RNF121: variants seen among roughly 807,000 people sequenced by gnomAD.
RNF121 encodes E3 ubiquitin ligase RNF121.
Under a neutral mutation model 46.5 loss-of-function variants are expected in RNF121, and 21 were observed. That is an observed-to-expected ratio of 0.45 (90% CI 0.32 to 0.65). The LOEUF (loss-of-function observed/expected upper bound fraction) is 0.65, where lower values mean the gene tolerates loss of function less well. Among genes scored for constraint, RNF121 ranks in the 30% least tolerant of loss-of-function variants. RNF121 has a pLI of 0.04. For synonymous variants in RNF121, 139 were observed against 144.7 expected (o/e 0.96, Z 0.28); for missense variants, 346 against 416.0 (o/e 0.83, Z 1.46).
chr11:71,972,821 C>G (rs1954447633), intron 3 of RNF121, among the ~76,000 whole-genome samples: 3 of 152,034 alleles, frequency 2.0e-5, no homozygotes, highest in African/African-American at 7.2e-5. Context: ...AGCAGTATGC[C>G]AGCCCACTGA....
intron 3 of RNF121, among the ~76,000 whole-genome samples, chr11:71,974,202 A>C (rs1954482069): frequency 6.6e-6 from 1 of 152,152 alleles, no homozygotes; most frequent in Non-Finnish European, 1.5e-5. Context: ...CGGCCTCCCA[A>C]AGTGCTGGGA....
intron 1 of RNF121, among the ~76,000 whole-genome samples, chr11:71,935,833 T>C (rs1953389210): frequency 6.6e-6 from 1 of 150,876 alleles, no homozygotes; most frequent in Non-Finnish European, 1.5e-5. Context: ...AATGAAGACA[T>C]AATATTCTTT....
At position 71,995,498 on chromosome 11, in the gene RNF121, A is replaced by G. The variant is rs34075366; in HGVS notation, c.810A>G (p.Gln270=). The G allele has an allele frequency of 0.033, 53,035 of 1,595,634 alleles. 943 individuals are homozygous for G. Among genetic ancestry groups the G allele is most frequent in the East Asian group, 0.067 (2,982 of 44,412 alleles). ...IRGWCIVGKK[Q]TCPYCKEKVD... ...GCTGGTGCATCGTGGGAAAGAAGCA[A>G]ACGTGTCCCTACTGCAAAGAGAAGG... is the stretch of plus-strand genomic sequence containing the variant. Residue 270 remains glutamine (Q), a synonymous_variant, in exon 8 of 9, where the codon CAA becomes CAG. Coordinates refer to ENST00000361756, the MANE Select transcript of RNF121 (RefSeq NM_018320.5).
intron 1 of RNF121, among the ~76,000 whole-genome samples, chr11:71,935,032 C>G (rs1401866384): frequency 6.6e-6 from 1 of 151,506 alleles, no homozygotes; most frequent in Non-Finnish European, 1.5e-5. Flanking sequence ...ACCTCAGCCT[C>G]CCAGGCTCAG....
intron 3 of RNF121, among the ~76,000 whole-genome samples, chr11:71,961,777 T>G (rs544101349): frequency 6.6e-6 from 1 of 152,182 alleles, no homozygotes; most frequent in South Asian, 2.1e-4. Context: ...AAATTCACTT[T>G]AGGTGGAAAG....
At chr11:71,967,445 G>T (rs1374113413) in intron 3 of RNF121, among the ~76,000 whole-genome samples, 1 of 150,042 alleles carries the variant, frequency 6.7e-6, no homozygotes. Context: ...TGCCTTCTGG[G>T]TTCAAGCGAT....
intron 6 of RNF121, 93 bp downstream of exon 6, chr11:71,990,810 G>A: frequency 1.4e-6 from 2 of 1,468,102 alleles, no homozygotes; most frequent in East Asian, 2.3e-5. Context: ...AAGGCACTAG[G>A]GTGAGATAAG....
rs1201952884 is a variant in RNF121 at position 71,994,760 on chromosome 11, C to T, written c.669C>T (p.Asp223=). 1.9e-6 allele frequency: 3 copies of T among 1,614,154 alleles called. No individual in the cohort carries two copies. In the Admixed American group the frequency reaches 5.0e-5, roughly 27 times the overall value. ...GCATGCCTACCAAACATCTTTCAGA[C>T]AGTGTGTGTGCTGTGTGTGGGCAGC... ...ESGMPTKHLS[D]SVCAVCGQQI... is the part of the protein sequence containing the mutation. The change falls in exon 7 of 9, where the codon GAC becomes GAT. Residue 223 remains aspartate (D), a synonymous_variant. Transcript: ENST00000361756.
chr11:71,968,282 A>T (rs750447584), intron 3 of RNF121, among the ~76,000 whole-genome samples: 22 of 152,050 alleles, frequency 1.4e-4, no homozygotes, highest in Non-Finnish European at 2.5e-4. Flanking sequence ...CTGATCTCGA[A>T]CTCTGGACTT....
chr11:71,952,637 T>C (rs1953908234), intron 1 of RNF121, among the ~76,000 whole-genome samples: 1 of 151,864 alleles, frequency 6.6e-6, no homozygotes, highest in East Asian at 1.9e-4. Context: ...GGTGAAACCC[T>C]ATCTTTACTA....
At chr11:71,959,242 G>A (rs1036307892) in intron 2 of RNF121, among the ~76,000 whole-genome samples, 4 of 152,134 alleles carry the variant, frequency 2.6e-5, no homozygotes, top group African/African-American at 9.7e-5. Flanking sequence ...CTGGCATTTG[G>A]CTTCCCACTC....
At chr11:71,952,460 A>G (rs973452983) in intron 1 of RNF121, among the ~76,000 whole-genome samples, 4 of 152,196 alleles carry the variant, frequency 2.6e-5, no homozygotes, top group Admixed American at 6.5e-5. Flanking sequence ...TAAAATTTTA[A>G]ATTGACAATT....
intron 1 of RNF121, among the ~76,000 whole-genome samples, chr11:71,943,632 G>A (rs1387141260): frequency 6.6e-6 from 1 of 152,230 alleles, no homozygotes; most frequent in African/African-American, 2.4e-5. Context: ...TCATGGTGTA[G>A]TGGAAAAGTT....
chr11:71,981,838 GCCCAGTCACTA>G (rs1295497939), intron 3 of RNF121, among the ~76,000 whole-genome samples: 1 of 152,100 alleles, frequency 6.6e-6, no homozygotes, highest in Non-Finnish European at 1.5e-5. Context: ...TGGGAATATG[GCCCAGTCACTA>G]CCCACAAGGA....
intron 3 of RNF121, among the ~76,000 whole-genome samples, chr11:71,966,098 C>A (rs1020330092): frequency 6.6e-6 from 1 of 152,202 alleles, no homozygotes; most frequent in Non-Finnish European, 1.5e-5. Flanking sequence ...CAGCTCACCA[C>A]AACCTCTGCC....
intron 1 of RNF121, among the ~76,000 whole-genome samples, chr11:71,943,664 C>T (rs139917427): frequency 5.3e-5 from 8 of 152,210 alleles, no homozygotes; most frequent in African/African-American, 1.7e-4. Flanking sequence ...GTAATAATTG[C>T]TATAATATGA....
At chr11:71,983,482 A>G (rs544480589) in intron 4 of RNF121, among the ~76,000 whole-genome samples, 1 of 152,334 alleles carries the variant, frequency 6.6e-6, no homozygotes, top group South Asian at 2.1e-4. Context: ...TTTCCAATAA[A>G]CAATACTTCC....
At chr11:71,982,643 C>T (rs1954688778) in intron 3 of RNF121, 118 bp from the exon 4 acceptor site, 1 of 1,165,494 alleles carries the variant, frequency 8.6e-7, no homozygotes, top group Non-Finnish European at 1.2e-6. Context: ...TAACTTTATC[C>T]AAAGTTGTAA....
intron 1 of RNF121, among the ~76,000 whole-genome samples, chr11:71,950,001 AAAAAC>A (rs1565145135): frequency 6.6e-6 from 1 of 151,412 alleles, no homozygotes; most frequent in African/African-American, 2.4e-5. Context: ...ACTCCATCTC[AAAAAC>A]AAAACAGAAC....
Sources: allele counts gnomAD v4.1 joint callset (sites outside exome capture counted in the v4.1 genomes callset), GRCh38; gene constraint gnomAD v4.1.1; transcripts MANE v1.5; gene names NCBI Gene and HGNC (gene_info 2026-07-23, HGNC 2026-07-21).